EXOG: variants seen among roughly 807,000 people sequenced by gnomAD.
EXOG encodes the protein exo/endonuclease G.
Under a neutral mutation model 25.8 loss-of-function variants are expected in EXOG, and 27 were observed. The observed-to-expected ratio is 1.05, with a 90% CI of 0.77 to 1.45. EXOG has a LOEUF of 1.45. EXOG is among the 40% of genes most tolerant of loss of function. EXOG has a pLI of 0.00. For synonymous variants in EXOG, 133 were observed against 167.0 expected (o/e 0.80, Z 1.57); for missense variants, 458 against 450.5 (o/e 1.02, Z -0.15).
At chr3:38,514,768 C>CA (rs1288553486) in intron 5 of EXOG, among the ~76,000 whole-genome samples, 1 of 117,820 alleles carries the variant, frequency 8.5e-6, no homozygotes, top group African/African-American at 4.1e-5. Context: ...CCCTCCCCCC[C>CA]CTCCCCCTGC....
In EXOG at chr3:38,523,881, T is replaced by C. The variant is rs781450329; in HGVS notation, c.646-20T>C. The C allele has an allele frequency of 3.3e-6, 5 of 1,511,792 alleles. No individual in the cohort carries two copies. Among genetic ancestry groups the C allele is most frequent in the Non-Finnish European group, 4.4e-6 (5 of 1,130,194 alleles). The allele number at this position is 1,511,792 out of a possible 1,614,324, so 93.6% of individuals were successfully genotyped here. On this transcript the variant is annotated intron_variant, in intron 5 of 5. Transcript: ENST00000287675. ...TGTTAGCACAAATTGGCATCACTAA[T>C]ATGGCTGCTTTGTTTTTAGGTGATT...
intron 5 of EXOG, chr3:38,523,333 G>T (rs552566740): frequency 4.0e-6 from 5 of 1,248,930 alleles, no homozygotes; most frequent in Non-Finnish European, 5.1e-6. Context: ...ACAGAACAGA[G>T]ACTGTGACCC....
chr3:38,520,511 G>C (rs1378972820), intron 5 of EXOG, among the ~76,000 whole-genome samples: 42 of 152,130 alleles, frequency 2.8e-4, no homozygotes, highest in Admixed American at 2.7e-3. Context: ...TGAGTCCTTT[G>C]TTACAGACAT....
chr3:38,523,830 G>C, intron 5 of EXOG, 71 bp from the exon 6 acceptor site: 1 of 1,063,128 alleles, frequency 9.4e-7, no homozygotes, highest in Non-Finnish European at 1.4e-6. Flanking sequence ...CATTAAATAA[G>C]TATTTTTCAG....
intron 2 of EXOG, 66 bp from the exon 3 acceptor site, chr3:38,501,289 T>G (rs1006727799): frequency 2.1e-6 from 3 of 1,451,428 alleles, no homozygotes; most frequent in African/African-American, 2.8e-5. Flanking sequence ...CAGCTTGCCT[T>G]GCTTAGAGAA....
chr3:38,496,404 T>G lies in EXOG; in HGVS notation c.37T>G (p.Ser13Ala). Residue 13 changes from serine (S) to alanine (A), a missense_variant, in exon 1 of 6, where the codon TCC becomes GCC. Physicochemically the swap from Ser to Ala is moderately conservative, Grantham distance 99. Transcript: ENST00000287675. ...IKSIASRLRGSRRFLSGFVAG... is the reference protein window; with the variant it reads ...IKSIASRLRGARRFLSGFVAG... ...GAGTATCGCTTCCCGCCTCCGGGGT[T>G]CCCGTCGTTTTCTGAGCGGCTTCGT... The G allele has an allele frequency of 6.2e-7, 1 of 1,614,056 alleles. No individual in the cohort carries two copies. The highest frequency in any genetic ancestry group is 8.5e-7 in the Non-Finnish European group (1 of 1,179,952).
chr3:38,524,744 G>T lies in EXOG; in HGVS notation c.*382G>T, dbSNP rs1073506. 0.41 allele frequency: 402,098 copies of T among 990,822 alleles called. 83,865 individuals carry two copies. The highest frequency in any genetic ancestry group is 0.64 in the African/African-American group (36,724 of 57,408). 61.4% of individuals were successfully genotyped at this position (990,822 alleles called of 1,614,324 possible). ...ATTTGACTCAGGAACTAATTATTAA[G>T]GGAGCTTTGACACCTGCAGATGGAG... On this transcript the variant is annotated 3_prime_UTR_variant, in exon 6 of 6. Transcript: ENST00000287675.
chr3:38,510,429 G>A (rs984271378), intron 5 of EXOG, among the ~76,000 whole-genome samples: 2 of 152,032 alleles, frequency 1.3e-5, no homozygotes, highest in African/African-American at 4.8e-5. Context: ...TAAATTTCCT[G>A]ATTTTTAAAA....
rs970152070 is a variant in EXOG at position 38,506,769 on chromosome 3, A to G, written c.531-85A>G. On this transcript the variant is annotated intron_variant, in intron 4 of 5. Transcript: ENST00000287675. The stretch of plus-strand genomic sequence containing the variant: ...TTTCTCAAATGCAGTTTTTCTTGGT[A>G]TCTTTCATAGGAATTGATATGATTT... The G allele has an allele frequency of 5.8e-5, 32 of 556,440 alleles. No homozygotes were observed. In the East Asian group the frequency reaches 9.4e-4, roughly 16 times the overall value. The allele number at this position is 556,440 out of a possible 1,614,324, so 34.5% of individuals were successfully genotyped here.
intron 5 of EXOG, among the ~76,000 whole-genome samples, chr3:38,523,606 G>C (rs2060790150): frequency 6.6e-6 from 1 of 152,114 alleles, no homozygotes; most frequent in African/African-American, 2.4e-5. Flanking sequence ...GACCTCAAGT[G>C]ATCTGCCCGC....
chr3:38,501,172 C>CTAGT (rs891443852), intron 2 of EXOG, 183 bp from the exon 3 acceptor site: 1 of 576,976 alleles, frequency 1.7e-6, no homozygotes, highest in African/African-American at 1.9e-5. Flanking sequence ...CTTTCCTAGA[C>CTAGT]TAGTACTTTC....
rs200655025 is a variant in EXOG at position 38,501,391 on chromosome 3, A to G, written c.350A>G (p.Asp117Gly). 181 of 1,613,354 alleles carry G rather than the reference A, an allele frequency of 1.1e-4. No individual in the cohort carries two copies. The highest frequency in any genetic ancestry group is 1.4e-4 in the Non-Finnish European group (169 of 1,179,456). ...ADRKHCKFKPDPNIPPTFSAF... is the reference protein window; with the variant it reads ...ADRKHCKFKPGPNIPPTFSAF... ...AGAAAGCATTGTAAATTTAAGCCTG[A>G]TCCCAATATCCCTCCAACCTTCAGT... Residue 117 changes from aspartate (D) to glycine (G), a missense_variant, in exon 3 of 6, where the codon GAT becomes GGT. Physicochemically the swap from Asp to Gly is moderately conservative, Grantham distance 94. Around this residue, in one of 3 missense-constraint regions of EXOG, gnomAD observed 275 missense variants for 230.5 expected, o/e 1.19. Transcript: ENST00000287675.
Position 38,525,956 on chromosome 3 carries a change from G to GAA in EXOG, c.*1599_*1600dup, listed in dbSNP as rs796232094. On this transcript the variant is annotated 3_prime_UTR_variant, in exon 6 of 6. Coordinates refer to ENST00000287675, the MANE Select transcript of EXOG (RefSeq NM_005107.4). ...GAGACCCTGTCTCAAAAAAAGAAAAGAAAAAAGAAAAAGGTCTGCCCACAA... is the reference window on the plus strand; with the variant it reads ...GAGACCCTGTCTCAAAAAAAGAAAAGAAAAAAAAGAAAAAGGTCTGCCCACAA... 1.9e-5 allele frequency: 19 copies of GAA among 984,746 alleles called. No homozygotes were observed. The highest frequency in any genetic ancestry group is 7.0e-5 in the African/African-American group (4 of 57,254). 61.0% of individuals were successfully genotyped at this position (984,746 alleles called of 1,614,324 possible).
intron 5 of EXOG, among the ~76,000 whole-genome samples, chr3:38,520,810 T>TA (rs757641052): frequency 6.6e-6 from 1 of 152,360 alleles, no homozygotes; most frequent in South Asian, 2.1e-4. Flanking sequence ...GGATGGCTGT[T>TA]ACGTATTTTG....
At chr3:38,500,895 T>A (rs766123391) in intron 2 of EXOG, among the ~76,000 whole-genome samples, 4 of 152,238 alleles carry the variant, frequency 2.6e-5, no homozygotes, top group Non-Finnish European at 5.9e-5. Flanking sequence ...TCCCCAAGGC[T>A]GTGCTTGCCT....
chr3:38,523,911 A>T lies in EXOG; in HGVS notation c.656A>T (p.Glu219Val). The T allele has an allele frequency of 6.5e-7, 1 of 1,536,036 alleles. No individual in the cohort carries two copies. The highest frequency in any genetic ancestry group is 8.8e-7 in the Non-Finnish European group (1 of 1,142,342). Residue 219 changes from glutamate (E) to valine (V), a missense_variant, in exon 6 of 6, where the codon GAG becomes GTG. This residue lies in a region of EXOG where 178 missense variants were observed against 203.7 expected (regional missense o/e 0.87). Coordinates refer to ENST00000287675, the MANE Select transcript of EXOG (RefSeq NM_005107.4). ...CTGCTTTGTTTTTAGGTGATTGGCG[A>T]GGACAACGTGGCAGTCCCCTCACAC... ...KKIVSYQVIG[E>V]DNVAVPSHLY...
chr3:38,497,330 G>T (rs1442253103), intron 1 of EXOG: 19 of 1,116,620 alleles, frequency 1.7e-5, no homozygotes, highest in Non-Finnish European at 2.1e-5. Flanking sequence ...CTTCAGAGAT[G>T]ATTTGGAAAT....
intron 4 of EXOG, among the ~76,000 whole-genome samples, chr3:38,504,450 T>G (rs950865429): frequency 4.6e-5 from 7 of 152,194 alleles, no homozygotes; most frequent in Admixed American, 3.9e-4. Context: ...TTTTTTGTTT[T>G]TTTGAGACAA....
intron 2 of EXOG, among the ~76,000 whole-genome samples, chr3:38,499,212 A>G (rs1042372975): frequency 7.9e-5 from 12 of 152,038 alleles, no homozygotes; most frequent in African/African-American, 2.4e-4. Flanking sequence ...TTTGCTTTTT[A>G]ATTTGCTGTG....
Sources: allele counts gnomAD v4.1 joint callset (sites outside exome capture counted in the v4.1 genomes callset), GRCh38; gene constraint gnomAD v4.1.1; regional missense constraint gnomAD v4.1.1; transcripts MANE v1.5; gene names NCBI Gene and HGNC (gene_info 2026-07-23, HGNC 2026-07-21).